PICALM: variants seen among roughly 807,000 people sequenced by gnomAD.
PICALM encodes the protein phosphatidylinositol-binding clathrin assembly protein.
A neutral mutation model predicts 80.5 loss-of-function variants in PICALM; 40 were observed. The ratio of observed to expected loss-of-function variants is 0.50; its 90% confidence interval spans 0.39 to 0.65. PICALM has a LOEUF of 0.65. Ranked by LOEUF, PICALM falls within the 30% of genes least tolerant of loss-of-function variation. The pLI is 0.00. For missense variants in PICALM, 676 were observed against 778.9 expected (o/e 0.87, Z 1.57); for synonymous variants, 288 against 260.3 (o/e 1.11, Z -1.02).
At chr11:86,011,187 CA>C (rs368815719) in intron 6 of PICALM, 51 bp from the exon 7 acceptor site, 1 of 764,142 alleles carries the variant, frequency 1.3e-6, no homozygotes, top group South Asian at 1.7e-5. Context: ...ATATAACACC[CA>C]AAAAAGGAAA....
chr11:86,005,762 TAAAAG>T (rs1324974151), intron 8 of PICALM, among the ~76,000 whole-genome samples: 2 of 146,484 alleles, frequency 1.4e-5, no homozygotes, highest in Non-Finnish European at 3.0e-5. Context: ...CTTTACACCT[TAAAAG>T]AAATTACCAA....
intron 1 of PICALM, 21 bp downstream of exon 1, chr11:86,068,630 G>A (rs772789752): frequency 1.3e-6 from 2 of 1,597,794 alleles, no homozygotes; most frequent in Non-Finnish European, 1.7e-6. Context: ...GGGAGCGGGG[G>A]CCGCGGTCGG....
intron 1 of PICALM, among the ~76,000 whole-genome samples, chr11:86,052,820 G>A (rs1354122345): frequency 6.6e-6 from 1 of 152,100 alleles, no homozygotes; most frequent in East Asian, 1.9e-4. Context: ...CAATTGCTCC[G>A]ACTGTATTTC....
chr11:86,051,869 G>T (rs2096194754), intron 1 of PICALM, among the ~76,000 whole-genome samples: 1 of 152,116 alleles, frequency 6.6e-6, no homozygotes, highest in African/African-American at 2.4e-5. Flanking sequence ...TATTCTCTAT[G>T]TCTTCTTACT....
Position 85,981,742 on chromosome 11 carries a change from C to G in PICALM, c.1679+3G>C. On this transcript the variant is annotated splice_donor_region_variant and intron_variant, in intron 16 of 19. Coordinates refer to ENST00000393346, the MANE Select transcript of PICALM (RefSeq NM_007166.4). ...GAAAACAATGTGTATATTAAACACT[C>G]ACTTCTTAGTGGTTCCATTTCCGAT... is the stretch of plus-strand genomic sequence containing the variant. 6.2e-7 allele frequency: 1 copy of G among 1,606,694 alleles called. No homozygotes were observed. The highest frequency in any genetic ancestry group is 8.5e-7 in the Non-Finnish European group (1 of 1,173,458).
intron 4 of PICALM, among the ~76,000 whole-genome samples, chr11:86,017,331 T>C (rs959854291): frequency 6.6e-6 from 1 of 152,058 alleles, no homozygotes; most frequent in South Asian, 2.1e-4. Flanking sequence ...ATATAACTGA[T>C]GAAAACATAA....
chr11:86,009,004 T>C (rs759487431), intron 7 of PICALM, among the ~76,000 whole-genome samples: 7 of 151,092 alleles, frequency 4.6e-5, no homozygotes, highest in Non-Finnish European at 7.4e-5. Flanking sequence ...TTCATATTTT[T>C]CTTAAATCAT....
At chr11:86,045,517 T>G (rs1230004197) in intron 1 of PICALM, among the ~76,000 whole-genome samples, 1 of 52,358 alleles carries the variant, frequency 1.9e-5, no homozygotes, top group Non-Finnish European at 3.9e-5. Flanking sequence ...TGTCTTGAAA[T>G]TCAAAAAAAA....
intron 1 of PICALM, among the ~76,000 whole-genome samples, chr11:86,065,801 A>G (rs1438208960): frequency 6.6e-6 from 1 of 152,230 alleles, no homozygotes; most frequent in Admixed American, 6.5e-5. Flanking sequence ...ATCTTTCTTC[A>G]GTAAGTATAT....
intron 5 of PICALM, 121 bp from the exon 6 acceptor site, chr11:86,012,513 A>G: frequency 1.7e-6 from 1 of 592,398 alleles, no homozygotes. Context: ...TGAAAAATAC[A>G]TTTATTTTCT....
chr11:85,958,544 T>C lies in PICALM; in HGVS notation c.*502A>G, dbSNP rs1384072567. On this transcript the variant is annotated 3_prime_UTR_variant, in exon 20 of 20. Coordinates refer to ENST00000393346, the MANE Select transcript of PICALM (RefSeq NM_007166.4). ...ATGTCTACTGCAAACTGAATATAAT[T>C]TTTTTTAAAAAAAGAAAAGTTAATT... 1 of 211,350 alleles carries C rather than the reference T, an allele frequency of 4.7e-6. No individual in the cohort carries two copies. Among genetic ancestry groups the C allele is most frequent in the Non-Finnish European group, 9.6e-6 (1 of 104,190 alleles). 13.1% of individuals were successfully genotyped at this position (211,350 alleles called of 1,614,324 possible). A position where few individuals can be genotyped will look rare whatever the true frequency, so the allele number is the denominator to read the frequency against.
At chr11:86,061,381 G>A (rs1339087738) in intron 1 of PICALM, among the ~76,000 whole-genome samples, 2 of 134,380 alleles carry the variant, frequency 1.5e-5, no homozygotes, top group African/African-American at 2.8e-5. Flanking sequence ...ATTTGATAAA[G>A]GACTGTTATT....
intron 1 of PICALM, among the ~76,000 whole-genome samples, chr11:86,053,636 C>T (rs537222233): frequency 2.6e-5 from 4 of 152,238 alleles, no homozygotes; most frequent in Admixed American, 6.5e-5. Context: ...GGCATGATCT[C>T]GGCTCACTAT....
intron 7 of PICALM, among the ~76,000 whole-genome samples, chr11:86,010,065 T>C (rs2095364731): frequency 6.6e-6 from 1 of 152,146 alleles, no homozygotes; most frequent in South Asian, 2.1e-4. Context: ...TTTGACATAA[T>C]TGAGCAAATT....
At position 85,958,698 on chromosome 11, in the gene PICALM, C is replaced by A. The variant is rs2093590616; in HGVS notation, c.*348G>T. ...AAAGGACACAGTTCTTCTCTCCAGG[C>A]AGCTTTTCCAAATACAAATTTCACA... On this transcript the variant is annotated 3_prime_UTR_variant, in exon 20 of 20. Coordinates refer to ENST00000393346, the MANE Select transcript of PICALM (RefSeq NM_007166.4). The A allele has an allele frequency of 3.8e-6, 1 of 265,622 alleles. No individual in the cohort carries two copies. Among genetic ancestry groups the A allele is most frequent in the Non-Finnish European group, 7.1e-6 (1 of 140,340 alleles). The allele number at this position is 265,622 out of a possible 1,614,324, so 16.5% of individuals were successfully genotyped here. A position where few individuals can be genotyped will look rare whatever the true frequency, so the allele number is the denominator to read the frequency against.
chr11:86,022,568 C>A, intron 3 of PICALM, 99 bp from the exon 4 acceptor site: 1 of 591,248 alleles, frequency 1.7e-6, no homozygotes, highest in Non-Finnish European at 2.9e-6. Flanking sequence ...TCATTGCATC[C>A]AATGGCTATA....
At chr11:85,982,914 G>T (rs2094485391) in intron 14 of PICALM, among the ~76,000 whole-genome samples, 1 of 151,992 alleles carries the variant, frequency 6.6e-6, no homozygotes, top group Non-Finnish European at 1.5e-5. Context: ...CCCTCTATGG[G>T]ACTCAATAGT....
At chr11:85,961,658 TTTAA>T (rs2093692096) in intron 19 of PICALM, among the ~76,000 whole-genome samples, 1 of 152,194 alleles carries the variant, frequency 6.6e-6, no homozygotes, top group African/African-American at 2.4e-5. Flanking sequence ...GGAACAAGCT[TTTAA>T]TTCTTTTTCT....
At chr11:86,008,319 G>A (rs1246453496) in intron 7 of PICALM, among the ~76,000 whole-genome samples, 2 of 152,098 alleles carry the variant, frequency 1.3e-5, no homozygotes, top group Non-Finnish European at 2.9e-5. Context: ...TCAGAATGAT[G>A]TCAGCAGAAA....
Sources: allele counts gnomAD v4.1 joint callset (sites outside exome capture counted in the v4.1 genomes callset), GRCh38; gene constraint gnomAD v4.1.1; transcripts MANE v1.5; gene names NCBI Gene and HGNC (gene_info 2026-07-23, HGNC 2026-07-21).